Variants in DPYS observed in about 807,000 individuals in gnomAD.
The protein encoded by DPYS is dihydropyrimidinase.
A neutral mutation model predicts 50.3 loss-of-function variants in DPYS; 39 were observed. That is an observed-to-expected ratio of 0.78 (90% CI 0.60 to 1.01). The LOEUF is 1.01. Ranked by LOEUF, DPYS falls within the 50% of genes least tolerant of loss-of-function variation. DPYS has a pLI of 0.00. For missense variants in DPYS, 659 were observed against 680.9 expected (o/e 0.97, Z 0.36); for synonymous variants, 245 against 250.7 (o/e 0.98, Z 0.22).
chr8:104,466,562 G>A, intron 1 of DPYS, 95 bp downstream of exon 1: 1 of 1,329,946 alleles, frequency 7.5e-7, no homozygotes, highest in Non-Finnish European at 9.7e-7. Flanking sequence ...GCGCCGCGCC[G>A]CGCGAGGCGG....
chr8:104,444,926 A>G (rs1813478494), intron 3 of DPYS, among the ~76,000 whole-genome samples: 1 of 152,244 alleles, frequency 6.6e-6, no homozygotes, highest in South Asian at 2.1e-4. Context: ...AAAAAAAGTT[A>G]ATAATCTGAT....
intron 1 of DPYS, among the ~76,000 whole-genome samples, chr8:104,455,163 G>A (rs183522727): frequency 1.3e-5 from 2 of 152,230 alleles, no homozygotes; most frequent in East Asian, 3.9e-4. Flanking sequence ...ACTTAATACA[G>A]AACCGTCAAT....
In DPYS at chr8:104,431,403, G is replaced by A. The variant is rs138738827; in HGVS notation, c.794-1702C>T. Among the ~76,000 whole-genome samples the A allele has an allele frequency of 5.6e-4, 85 of 150,812 alleles. 1 individual carries two copies. Among genetic ancestry groups the A allele is most frequent in the East Asian group, 4.7e-3 (24 of 5,148 alleles). On this transcript the variant is annotated intron_variant, in intron 4 of 9. Coordinates refer to ENST00000351513, the MANE Select transcript of DPYS (RefSeq NM_001385.3). ...TAGTGGTATATACAACAAACTCTTCGTTAACTGGGCTATTTTCAACTTTCT... is the reference window on the plus strand; with the variant it reads ...TAGTGGTATATACAACAAACTCTTCATTAACTGGGCTATTTTCAACTTTCT...
At chr8:104,462,134 A>G (rs551387800) in intron 1 of DPYS, among the ~76,000 whole-genome samples, 1 of 152,270 alleles carries the variant, frequency 6.6e-6, no homozygotes, top group South Asian at 2.1e-4. Context: ...ATAAGTATAT[A>G]TTGTTTTTAT....
chr8:104,464,832 T>C (rs1225179995), intron 1 of DPYS, among the ~76,000 whole-genome samples: 1 of 152,254 alleles, frequency 6.6e-6, no homozygotes, highest in Non-Finnish European at 1.5e-5. Flanking sequence ...AATCACATAT[T>C]GTTTTGATAG....
At chr8:104,407,373 T>C (rs937487928) in intron 7 of DPYS, among the ~76,000 whole-genome samples, 1 of 152,154 alleles carries the variant, frequency 6.6e-6, no homozygotes, top group Non-Finnish European at 1.5e-5. Context: ...AATACTAAAG[T>C]ACTTTAAAAG....
rs1020872387 is a variant in DPYS, at chr8:104,466,668, G to A, written c.253C>T (p.Gln85Ter). Reference sequence around the variant, plus strand: ...GGCGGGGCGGGTACCTTGGTGCCCTGGTGGAAGTCGTCGATGGACCGCGAG... The same window carrying A: ...GGCGGGGCGGGTACCTTGGTGCCCTAGTGGAAGTCGTCGATGGACCGCGAG... ...MGSRSIDDFH[Q>*]GTKAALSGGT... The change falls in exon 1 of 10, where the codon CAG becomes TAG. Residue 85 changes from glutamine to a stop codon, truncating the protein, a stop_gained. Transcript: ENST00000351513. LOFTEE classifies it high-confidence loss of function. 1.9e-5 allele frequency: 29 copies of A among 1,522,640 alleles called. No homozygotes were observed. Among genetic ancestry groups the A allele is most frequent in the African/African-American group, 2.8e-5 (2 of 70,556 alleles). The allele number at this position is 1,522,640 out of a possible 1,614,324, so 94.3% of individuals were successfully genotyped here. A position where few individuals can be genotyped will look rare whatever the true frequency, so the allele number is the denominator to read the frequency against.
chr8:104,393,243 G>A (rs1811459605), intron 7 of DPYS, among the ~76,000 whole-genome samples: 1 of 152,174 alleles, frequency 6.6e-6, no homozygotes, highest in Non-Finnish European at 1.5e-5. Flanking sequence ...GTGAGTGGAA[G>A]GAGGGCATTG....
rs776187541 is a variant in DPYS at position 104,447,521 on chromosome 8, C to A, written c.424-18G>T. The A allele has an allele frequency of 6.2e-7, 1 of 1,613,360 alleles. No individual in the cohort carries two copies. Among genetic ancestry groups the A allele is most frequent in the East Asian group, 2.2e-5 (1 of 44,862 alleles). ...TCTTTAACCTAAAAGGAAGCAGCAA[C>A]CATAACAACAATATGTTACTCTAAT... On this transcript the variant is annotated intron_variant, in intron 2 of 9. Coordinates refer to ENST00000351513, the MANE Select transcript of DPYS (RefSeq NM_001385.3).
chr8:104,395,744 T>C (rs1811561674), intron 7 of DPYS, among the ~76,000 whole-genome samples: 1 of 152,126 alleles, frequency 6.6e-6, no homozygotes, highest in Admixed American at 6.5e-5. Flanking sequence ...TGAATATGAA[T>C]AGAACTGTTA....
At chr8:104,394,196 A>G (rs1273839870) in intron 7 of DPYS, among the ~76,000 whole-genome samples, 1 of 152,192 alleles carries the variant, frequency 6.6e-6, no homozygotes, top group African/African-American at 2.4e-5. Flanking sequence ...GAGTCTAAGG[A>G]GGAGCAGCTC....
At position 104,379,829 on chromosome 8, in the gene DPYS, C is replaced by G. The variant is rs1357998918; in HGVS notation, c.*29G>C. 3 of 456,230 alleles carry G rather than the reference C, an allele frequency of 6.6e-6. No homozygotes were observed. The highest frequency in any genetic ancestry group is 6.9e-5 in the East Asian group (1 of 14,392). The allele number at this position is 456,230 out of a possible 1,614,324, so 28.3% of individuals were successfully genotyped here. On this transcript the variant is annotated 3_prime_UTR_variant, in exon 10 of 10. Transcript: ENST00000351513. The stretch of plus-strand genomic sequence containing the variant: ...GTGAAGGGAATGGCAGCCTCCTTTC[C>G]TCTGATTTTTTTACCTTTGAAGAGA...
intron 5 of DPYS, among the ~76,000 whole-genome samples, chr8:104,428,363 T>C (rs950667408): frequency 6.6e-6 from 1 of 152,260 alleles, no homozygotes; most frequent in Admixed American, 6.5e-5. Flanking sequence ...ACCTGAGTTC[T>C]AAGCTCAGCT....
At chr8:104,436,999 G>A (rs1242766288) in intron 4 of DPYS, among the ~76,000 whole-genome samples, 1 of 152,086 alleles carries the variant, frequency 6.6e-6, no homozygotes, top group Non-Finnish European at 1.5e-5. Context: ...CAAGACACAA[G>A]TTTATTAGAA....
At chr8:104,429,275 G>A (rs1468668744) in intron 5 of DPYS, 3 of 477,548 alleles carry the variant, frequency 6.3e-6, no homozygotes, top group Non-Finnish European at 1.1e-5. Flanking sequence ...CCCTGGGTTT[G>A]GGCAACAAGA....
intron 1 of DPYS, among the ~76,000 whole-genome samples, chr8:104,453,274 T>C (rs1156891480): frequency 1.3e-5 from 2 of 152,346 alleles, no homozygotes; most frequent in Admixed American, 1.3e-4. Context: ...ACAATACATA[T>C]TTGCATTTCT....
rs1395166626 is a variant in DPYS at position 104,451,381 on chromosome 8, G to A, written c.288C>T (p.Thr96=). 1 of 1,614,144 alleles carries A rather than the reference G, an allele frequency of 6.2e-7. No homozygotes were observed. Among genetic ancestry groups the A allele is most frequent in the African/African-American group, 1.3e-5 (1 of 75,054 alleles). ...GTKAALSGGT[T]MIIDFAIPQK... The stretch of plus-strand genomic sequence containing the variant: ...GAGGAATGGCGAAATCAATAATCAT[G>A]GTGGTGCCTCCTGAGAGAGCAGCCT... The change falls in exon 2 of 10, where the codon ACC becomes ACT. Residue 96 remains threonine, a synonymous_variant. Transcript: ENST00000351513.
rs755785103 is a variant in DPYS at position 104,392,921 on chromosome 8, C to T, written c.1306G>A (p.Val436Met). 1 of 1,614,090 alleles carries T rather than the reference C, an allele frequency of 6.2e-7. No individual in the cohort carries two copies. Among genetic ancestry groups the T allele is most frequent in the Admixed American group, 1.7e-5 (1 of 60,002 alleles). The change falls in exon 8 of 10, where the codon GTG becomes ATG. Residue 436 changes from valine (V) to methionine (M), a missense_variant. By Grantham distance (21) the Val-to-Met change is conservative. Transcript: ENST00000351513. ...NIFEGMVCHGVPLVTISRGKV... is the reference protein window; with the variant it reads ...NIFEGMVCHGMPLVTISRGKV... ...CCTCTTGAAATAGTCACAAGGGGCA[C>T]CCCGTGGCAAACCATGCCCTCGAAA...
At chr8:104,444,986 C>G (rs1239033361) in intron 3 of DPYS, among the ~76,000 whole-genome samples, 1 of 152,134 alleles carries the variant, frequency 6.6e-6, no homozygotes, top group Non-Finnish European at 1.5e-5. Context: ...AGAAGACATA[C>G]AAATGGCAAA....
Sources: gnomAD v4.1 joint callset for allele counts (sites outside exome capture counted in the v4.1 genomes callset) on GRCh38, gnomAD v4.1.1 for gene constraint, MANE v1.5 for transcripts, NCBI Gene and HGNC (gene_info 2026-07-23, HGNC 2026-07-21) for gene names.